Variants in POLR2F observed in about 807,000 individuals in gnomAD.
POLR2F encodes RNA polymerase II, I and III subunit F, also known as DNA-directed RNA polymerases I, II, and III subunit RPABC2.
A neutral mutation model predicts 22.7 loss-of-function variants in POLR2F; 12 were observed. The ratio of observed to expected loss-of-function variants is 0.53; its 90% CI spans 0.34 to 0.86. POLR2F has a LOEUF of 0.86. Ranked by LOEUF, POLR2F falls within the 40% of genes least tolerant of loss-of-function variation. The probability of loss-of-function intolerance (pLI) is 0.02; values close to 1 mark genes in which losing one functional copy is unlikely to be tolerated. For synonymous variants in POLR2F, 57 were observed against 66.0 expected, an observed-to-expected ratio of 0.86 and a Z score of 0.66; for missense variants, 126 against 171.5, an observed-to-expected ratio of 0.73 and a Z score of 1.48.
intron 4 of POLR2F, 182 bp from the exon 5 acceptor site, chr22:37,967,443 C>G: frequency 1.4e-6 from 2 of 1,435,776 alleles, no homozygotes; most frequent in Middle Eastern, 2.5e-4. Context: ...ATTCTTCCCC[C>G]TCTTGTCTGA....
At chr22:38,040,709 A>C in intron 5 of POLR2F, 4 of 352,390 alleles carry the variant, frequency 1.1e-5, no homozygotes, top group South Asian at 3.9e-5. Context: ...TCCAGAGGCA[A>C]TGGTTAACTC....
chr22:37,996,718 G>T (rs1211463925), intron 1 of POLR2F, among the ~76,000 whole-genome samples: 3 of 152,168 alleles, frequency 2.0e-5, no homozygotes, highest in African/African-American at 7.2e-5. Context: ...GTGACCTTGG[G>T]TGGGGCACAG....
downstream of POLR2F, among the ~76,000 whole-genome samples, chr22:38,028,471 C>T (rs1208226402): frequency 2.0e-5 from 3 of 151,936 alleles, no homozygotes; most frequent in African/African-American, 4.8e-5. Flanking sequence ...TCTGTGCCTG[C>T]GCATGCATCT....
At chr22:38,025,440 A>C (rs966361055) in intron 1 of POLR2F, 17 of 1,249,260 alleles carry the variant, frequency 1.4e-5, no homozygotes, top group Non-Finnish European at 1.7e-5. Context: ...ATGTGCACAC[A>C]CTGATTCATA....
intron 1 of POLR2F, 112 bp downstream of exon 1, chr22:37,953,919 G>T: frequency 8.0e-7 from 1 of 1,256,490 alleles, no homozygotes; most frequent in Non-Finnish European, 1.1e-6. Flanking sequence ...AGGGGACTGG[G>T]GTCCTGAGGG....
chr22:37,976,877 A>G (rs976663829), intron 4 of POLR2F, among the ~76,000 whole-genome samples: 4 of 152,148 alleles, frequency 2.6e-5, no homozygotes, highest in Non-Finnish European at 5.9e-5. Flanking sequence ...ATGGCCAGAC[A>G]CGGTATCACA....
At position 37,969,044 on chromosome 22, in the gene POLR2F, C is replaced by T; in HGVS notation, c.*1329C>T. On this transcript the variant is annotated 3_prime_UTR_variant, in exon 5 of 5. Coordinates refer to ENST00000442738, the MANE Select transcript of POLR2F (RefSeq NM_021974.5). ...CAGCCGCCCCAGAGTGCGGGGGTCA[C>T]TTTCTCGGCCCCATTTCTCTAAATG... 2 of 985,454 alleles carry T rather than the reference C, an allele frequency of 2.0e-6. No individual in the cohort carries two copies. Among genetic ancestry groups the T allele is most frequent in the Non-Finnish European group, 2.4e-6 (2 of 829,970 alleles). 61.0% of individuals were successfully genotyped at this position (985,454 alleles called of 1,614,324 possible).
chr22:37,981,898 G>A (rs1339802616), upstream of POLR2F, among the ~76,000 whole-genome samples: 1 of 152,188 alleles, frequency 6.6e-6, no homozygotes, highest in East Asian at 1.9e-4. Flanking sequence ...AGGGGCAGGG[G>A]AAGGGGCACC....
chr22:38,003,661 T>G (rs1467123573), intron 1 of POLR2F, among the ~76,000 whole-genome samples: 1 of 151,552 alleles, frequency 6.6e-6, no homozygotes, highest in Non-Finnish European at 1.5e-5. Context: ...ACTGCAACCT[T>G]TGCATCTCAG....
chr22:38,021,036 G>A (rs2084956941), intron 1 of POLR2F, among the ~76,000 whole-genome samples: 2 of 152,180 alleles, frequency 1.3e-5, no homozygotes, highest in South Asian at 4.1e-4. Context: ...CCTCTACTGT[G>A]TACCAGGCCC....
intron 1 of POLR2F, among the ~76,000 whole-genome samples, chr22:38,007,842 AGGACTGAGGCCT>A (rs2084836010): frequency 6.6e-6 from 1 of 152,256 alleles, no homozygotes; most frequent in African/African-American, 2.4e-5. Context: ...ATGGGGCAGC[AGGACTGAGGCCT>A]GCGCGAGTGA....
downstream of POLR2F, among the ~76,000 whole-genome samples, chr22:38,028,509 C>T (rs73417883): frequency 0.021 from 3,254 of 151,628 alleles, 121 homozygotes; most frequent in African/African-American, 0.075. Context: ...TGTGCGTGTG[C>T]GTACGTGTGT....
chr22:38,007,563 CG>C, intron 1 of POLR2F, among the ~76,000 whole-genome samples: 3 of 152,200 alleles, frequency 2.0e-5, no homozygotes, highest in Admixed American at 2.0e-4. Flanking sequence ...CTCCAAGACC[CG>C]CTTTCACGTC....
chr22:37,992,578 A>G (rs1278514693), intron 1 of POLR2F, among the ~76,000 whole-genome samples: 1 of 152,134 alleles, frequency 6.6e-6, no homozygotes, highest in African/African-American at 2.4e-5. Flanking sequence ...TACTTTCAGT[A>G]GAGACGGATG....
rs1461700512 is a variant in POLR2F at position 38,017,916 on chromosome 22, T to A, written c.121-7953T>A. ...CCCTGAGAATTGGTTTCCTCACTTG[T>A]AAAATGGGCATGATTGTCCCTGCCC... is the stretch of plus-strand genomic sequence containing the variant. On this transcript the variant is annotated intron_variant, in intron 1 of 2. Transcript: ENST00000333418. This position sits in a 1 kb window ranked among gnomAD's most constrained non-coding sequence, Gnocchi z 4.1. Among the ~76,000 whole-genome samples, 1 of 152,206 alleles carries A rather than the reference T, an allele frequency of 6.6e-6. No homozygotes were observed. The highest frequency in any genetic ancestry group is 6.5e-5 in the Admixed American group (1 of 15,276).
At chr22:37,984,869 T>A (rs1199607924), upstream of POLR2F, among the ~76,000 whole-genome samples, 1 of 152,120 alleles carries the variant, frequency 6.6e-6, no homozygotes, top group Non-Finnish European at 1.5e-5. The surrounding 1 kb of genome is among the most constrained non-coding windows in gnomAD (Gnocchi z 4.4). Context: ...TCCTAACGTC[T>A]GCCTCAGGTG....
At chr22:37,961,686 G>A (rs1170646857) in intron 3 of POLR2F, among the ~76,000 whole-genome samples, 3 of 152,120 alleles carry the variant, frequency 2.0e-5, no homozygotes, top group Non-Finnish European at 4.4e-5. Flanking sequence ...GAGAAAGCAG[G>A]GACTTTCAAA....
chr22:37,959,180 A>T (rs1461261156), intron 2 of POLR2F, among the ~76,000 whole-genome samples, 166 bp from the exon 3 acceptor site: 2 of 152,172 alleles, frequency 1.3e-5, no homozygotes, highest in African/African-American at 2.4e-5. Context: ...TCATAAGGTT[A>T]TTGTAAGGAT....
At chr22:37,973,520 A>G, downstream of POLR2F, 1 of 1,609,168 alleles carries the variant, frequency 6.2e-7, no homozygotes, top group Non-Finnish European at 8.5e-7. Context: ...TGTCGTATAT[A>G]CTGGCTGCTC....
Sources: gnomAD v4.1 joint callset for allele counts (sites outside exome capture counted in the v4.1 genomes callset) on GRCh38, gnomAD v4.1.1 for gene constraint, Gnocchi (gnomAD v3.1) non-coding constraint, MANE v1.5 for transcripts, NCBI Gene and HGNC (gene_info 2026-07-23, HGNC 2026-07-21) for gene names.